The following FAM204A variants were observed in gnomAD, a reference collection of about 807,000 sequenced individuals.
FAM204A encodes family with sequence similarity 204 member A.
In FAM204A, 16 loss-of-function variants were observed where a neutral mutation model predicts 35.4. That is an observed-to-expected ratio of 0.45 (90% confidence interval 0.31 to 0.69). The LOEUF (loss-of-function observed/expected upper bound fraction) is 0.69, where lower values mean the gene tolerates loss of function less well. FAM204A is among the 30% of genes least tolerant of loss of function. The pLI is 0.07. For synonymous variants in FAM204A, 76 were observed against 86.9 expected (o/e 0.88, Z 0.70); for missense variants, 240 against 265.7 (o/e 0.90, Z 0.67).
intron 2 of FAM204A, among the ~76,000 whole-genome samples, chr10:118,340,697 C>T (rs550428038): frequency 6.6e-6 from 1 of 152,260 alleles, no homozygotes; most frequent in African/African-American, 2.4e-5. Flanking sequence ...AACACTAGAA[C>T]CAGAAAGGGG....
chr10:118,300,214 A>C lies in FAM204A; in HGVS notation c.*10643T>G, dbSNP rs1402832108. 3 of 152,214 alleles carry C rather than the reference A, an allele frequency of 2.0e-5. No homozygotes were observed. Among genetic ancestry groups the C allele is most frequent in the Non-Finnish European group, 4.4e-5 (3 of 68,036 alleles). The allele number at this position is 152,214 out of a possible 1,614,324, so 9.4% of individuals were successfully genotyped here. On this transcript the variant is annotated 3_prime_UTR_variant, in exon 9 of 9. Coordinates refer to ENST00000369183, the MANE Select transcript of FAM204A (RefSeq NM_022063.3). ...CTTATGTTCACATGTCCATCTTTCT[A>C]GAGAGAGGGTCTGTAGCCCCCAGCA...
intron 6 of FAM204A, among the ~76,000 whole-genome samples, chr10:118,333,612 T>C (rs1337300148): frequency 3.3e-5 from 5 of 152,170 alleles, no homozygotes; most frequent in Admixed American, 6.5e-5. Flanking sequence ...ACAGGAAACA[T>C]GCAAGAATCG....
In FAM204A at chr10:118,299,713, C is replaced by T. The variant is rs562416284; in HGVS notation, c.*11144G>A. ...GTCTTGAGTGCTCATTCCCTAAGGCCGAGGAAAGCTTGACAATTATTGGAC... is the reference window on the plus strand; with the variant it reads ...GTCTTGAGTGCTCATTCCCTAAGGCTGAGGAAAGCTTGACAATTATTGGAC... On this transcript the variant is annotated 3_prime_UTR_variant, in exon 9 of 9. Transcript: ENST00000369183. 5.9e-5 allele frequency: 9 copies of T among 151,960 alleles called. No homozygotes were observed. Among genetic ancestry groups the T allele is most frequent in the African/African-American group, 1.4e-4 (6 of 41,434 alleles). 9.4% of individuals were successfully genotyped at this position (151,960 alleles called of 1,614,324 possible).
intron 6 of FAM204A, among the ~76,000 whole-genome samples, chr10:118,328,649 T>C (rs1846237319): frequency 1.3e-5 from 2 of 152,166 alleles, no homozygotes; most frequent in East Asian, 1.9e-4. Flanking sequence ...TGTGCCACCA[T>C]GCCCAGCTAA....
chr10:118,304,246 AG>A lies in FAM204A; in HGVS notation c.*6610del, dbSNP rs1358627457. 4 of 152,318 alleles carry A rather than the reference AG, an allele frequency of 2.6e-5. No homozygotes were observed. In the East Asian group the frequency reaches 7.7e-4, roughly 29 times the overall value. The allele number at this position is 152,318 out of a possible 1,614,324, so 9.4% of individuals were successfully genotyped here. ...TCTGACCTCCAGGTTGCTACATAGAAGTGTCCATTTGACATTTCCATGGCAT... is the reference window on the plus strand; with the variant it reads ...TCTGACCTCCAGGTTGCTACATAGAATGTCCATTTGACATTTCCATGGCAT... On this transcript the variant is annotated 3_prime_UTR_variant, in exon 9 of 9. Transcript: ENST00000369183.
intron 7 of FAM204A, among the ~76,000 whole-genome samples, chr10:118,325,666 T>C (rs1846186721): frequency 6.6e-6 from 1 of 152,040 alleles, no homozygotes; most frequent in South Asian, 2.1e-4. Flanking sequence ...GAATACCCAA[T>C]ATATCTATTA....
chr10:118,326,121 A>G, intron 7 of FAM204A, 33 bp downstream of exon 7: 1 of 1,535,912 alleles, frequency 6.5e-7, no homozygotes, highest in East Asian at 2.3e-5. Context: ...GAAAATTTGA[A>G]AATACAGAAA....
At chr10:118,335,669 GCAAATATACTTTC>G in intron 3 of FAM204A, 28 bp from the exon 4 acceptor site, 1 of 1,481,306 alleles carries the variant, frequency 6.8e-7, no homozygotes, top group Admixed American at 2.1e-5. Flanking sequence ...AAATTGAGAA[GCAAATATACTTTC>G]CAGAAAAACA....
chr10:118,335,530 A>T, intron 4 of FAM204A, 24 bp downstream of exon 4: 1 of 1,606,588 alleles, frequency 6.2e-7, no homozygotes. Context: ...AGCACGACGA[A>T]CAACCTGAGT....
At chr10:118,314,523 C>T (rs1284825188) in intron 7 of FAM204A, among the ~76,000 whole-genome samples, 1 of 152,172 alleles carries the variant, frequency 6.6e-6, no homozygotes, top group East Asian at 1.9e-4. Context: ...GTCAAGATGA[C>T]TAACCTGGGT....
intron 2 of FAM204A, among the ~76,000 whole-genome samples, chr10:118,341,175 A>T (rs1846474360): frequency 6.6e-6 from 1 of 152,196 alleles, no homozygotes; most frequent in Admixed American, 6.5e-5. Flanking sequence ...CCCAAAAGAT[A>T]TATTTGAGCA....
At chr10:118,320,883 T>TTTTG (rs1846103823) in intron 7 of FAM204A, among the ~76,000 whole-genome samples, 1 of 148,744 alleles carries the variant, frequency 6.7e-6, no homozygotes, top group South Asian at 2.1e-4. Flanking sequence ...GAATACCGTT[T>TTTTG]TGTGTGTGTG....
rs962741728 is a variant in FAM204A, at chr10:118,307,449, C to T, written c.*3408G>A. 8.5e-5 allele frequency: 13 copies of T among 152,276 alleles called. No homozygotes were observed. The highest frequency in any genetic ancestry group is 1.3e-4 in the Non-Finnish European group (9 of 68,020). 9.4% of individuals were successfully genotyped at this position (152,276 alleles called of 1,614,324 possible). ...ATACTAAAAATAAAAGCAACTTCTG[C>T]CAAAATGGAAAACTTGGATTCAGTT... On this transcript the variant is annotated 3_prime_UTR_variant, in exon 9 of 9. Transcript: ENST00000369183.
chr10:118,310,781 T>C lies in FAM204A; in HGVS notation c.*76A>G. The C allele has an allele frequency of 7.9e-7, 1 of 1,262,828 alleles. No individual in the cohort carries two copies. Among genetic ancestry groups the C allele is most frequent in the Non-Finnish European group, 1.1e-6 (1 of 888,280 alleles). 78.2% of individuals were successfully genotyped at this position (1,262,828 alleles called of 1,614,324 possible). A position where few individuals can be genotyped will look rare whatever the true frequency, so the allele number is the denominator to read the frequency against. ...TTTTAGTGCTATCAATTTTCTGACA[T>C]ATTAACATAGGCAGGAAAACATTCT... On this transcript the variant is annotated 3_prime_UTR_variant, in exon 9 of 9. Transcript: ENST00000369183.
At chr10:118,316,343 T>C (rs1846030155) in intron 7 of FAM204A, among the ~76,000 whole-genome samples, 1 of 152,144 alleles carries the variant, frequency 6.6e-6, no homozygotes, top group Non-Finnish European at 1.5e-5. Flanking sequence ...TTTAATATAT[T>C]ATGTGCTCTA....
intron 2 of FAM204A, among the ~76,000 whole-genome samples, chr10:118,338,049 G>A (rs1056126919): frequency 2.6e-5 from 4 of 152,288 alleles, no homozygotes; most frequent in South Asian, 4.1e-4. Flanking sequence ...GGAATAAAAT[G>A]AGGGCAAATT....
intron 7 of FAM204A, among the ~76,000 whole-genome samples, chr10:118,314,316 C>A (rs1564754654): frequency 6.6e-6 from 1 of 152,110 alleles, no homozygotes; most frequent in Non-Finnish European, 1.5e-5. Flanking sequence ...ACTAAGCAAA[C>A]CTGGTCTATG....
Position 118,310,711 on chromosome 10 carries a change from G to GA in FAM204A, c.*145dup. 2 of 672,654 alleles carry GA rather than the reference G, an allele frequency of 3.0e-6. No homozygotes were observed. Among genetic ancestry groups the GA allele is most frequent in the Non-Finnish European group, 2.6e-6 (1 of 387,324 alleles). The allele number at this position is 672,654 out of a possible 1,614,324, so 41.7% of individuals were successfully genotyped here. A position where few individuals can be genotyped will look rare whatever the true frequency, so the allele number is the denominator to read the frequency against. On this transcript the variant is annotated 3_prime_UTR_variant, in exon 9 of 9. Coordinates refer to ENST00000369183, the MANE Select transcript of FAM204A (RefSeq NM_022063.3). ...AGGACAAAGTCCTTAAAGAAAGACT[G>GA]AAAAGAGCTGATAATCAAAATCCCA...
chr10:118,321,242 G>A (rs922159274), intron 7 of FAM204A, among the ~76,000 whole-genome samples: 3 of 152,008 alleles, frequency 2.0e-5, no homozygotes, highest in Admixed American at 1.3e-4. Flanking sequence ...CTCACACTTA[G>A]TTCTCAAAAT....
Sources: allele counts gnomAD v4.1 joint callset (sites outside exome capture counted in the v4.1 genomes callset), GRCh38; gene constraint gnomAD v4.1.1; transcripts MANE v1.5; gene names NCBI Gene and HGNC (gene_info 2026-07-23, HGNC 2026-07-21).